The following SLC35F3 variants were observed in gnomAD, a reference collection of about 807,000 sequenced individuals.
The protein encoded by SLC35F3 is putative thiamine transporter SLC35F3.
SLC35F3 carries 25 observed loss-of-function variants against 49.9 expected under a neutral mutation model. The ratio of observed to expected loss-of-function variants is 0.50; its 90% confidence interval spans 0.37 to 0.70. SLC35F3 has a LOEUF of 0.70. Among genes scored for constraint, SLC35F3 ranks in the 30% least tolerant of loss-of-function variants. The pLI is 0.00. For synonymous variants in SLC35F3, 275 were observed against 265.4 expected, an observed-to-expected ratio of 1.04 and a Z score of -0.35; for missense variants, 525 against 639.8, an observed-to-expected ratio of 0.82 and a Z score of 1.94.
chr1:234,307,840 A>C (rs920276764), intron 3 of SLC35F3, among the ~76,000 whole-genome samples: 1 of 152,108 alleles, frequency 6.6e-6, no homozygotes, highest in African/African-American at 2.4e-5. Context: ...TGCCTAGCTC[A>C]TCGGGCCCAA....
chr1:234,239,644 G>C (rs1479032563), intron 3 of SLC35F3, among the ~76,000 whole-genome samples: 2 of 152,252 alleles, frequency 1.3e-5, no homozygotes, highest in Non-Finnish European at 1.5e-5. Flanking sequence ...TACTAGGAAA[G>C]AAGTGGGTCA....
At position 234,205,507 on chromosome 1, in the gene SLC35F3, GTTGTAC is replaced by G. The variant is rs529755300; in HGVS notation, c.284-25906_284-25901del. ...AACAGCTAGCACCAGGAATGCTGGA[GTTGTAC>G]TTGAACTCCCTCCCACTTGGAGAAT... On this transcript the variant is annotated intron_variant, in intron 2 of 7. Coordinates refer to ENST00000366618, the MANE Select transcript of SLC35F3 (RefSeq NM_173508.4). Among the ~76,000 whole-genome samples, 1,054 of 152,334 alleles carry G rather than the reference GTTGTAC, an allele frequency of 6.9e-3. 10 individuals carry two copies. The highest frequency in any genetic ancestry group is 0.024 in the African/African-American group (998 of 41,570).
intron 2 of SLC35F3, among the ~76,000 whole-genome samples, chr1:233,940,915 G>T (rs750777665): frequency 2.2e-4 from 33 of 152,064 alleles, no homozygotes; most frequent in Non-Finnish European, 4.0e-4. Flanking sequence ...TTTCAAAAAG[G>T]GTATACTGAT....
intron 3 of SLC35F3, among the ~76,000 whole-genome samples, chr1:234,301,343 A>C (rs1337809888): frequency 6.6e-6 from 1 of 152,210 alleles, no homozygotes; most frequent in African/African-American, 2.4e-5. Flanking sequence ...AAACATATGC[A>C]CAAGAAAAAG....
chr1:234,083,528 A>G (rs1428037528), intron 2 of SLC35F3, among the ~76,000 whole-genome samples: 1 of 152,218 alleles, frequency 6.6e-6, no homozygotes, highest in Non-Finnish European at 1.5e-5. Context: ...ATAGGGCTTC[A>G]ATAATGACTG....
intron 2 of SLC35F3, among the ~76,000 whole-genome samples, chr1:234,083,254 A>G (rs975901924): frequency 2.7e-4 from 41 of 152,368 alleles, no homozygotes; most frequent in African/African-American, 7.7e-4. Flanking sequence ...AAAAGCAAGC[A>G]TGCTAATTCT....
intron 3 of SLC35F3, among the ~76,000 whole-genome samples, chr1:234,294,382 A>G (rs913803480): frequency 1.1e-4 from 17 of 152,124 alleles, no homozygotes; most frequent in Admixed American, 9.8e-4. Flanking sequence ...AGATTGTTCC[A>G]CTTTACCCAG....
chr1:233,942,265 G>T (rs953483658), intron 2 of SLC35F3, among the ~76,000 whole-genome samples: 1 of 151,724 alleles, frequency 6.6e-6, no homozygotes, highest in East Asian at 1.9e-4. Context: ...CCGGCATACA[G>T]CCTCTTTTAA....
At chr1:234,273,427 C>A (rs1257899247) in intron 3 of SLC35F3, among the ~76,000 whole-genome samples, 1 of 152,206 alleles carries the variant, frequency 6.6e-6, no homozygotes, top group Non-Finnish European at 1.5e-5. Flanking sequence ...ACAATTCCAG[C>A]AGTCTGTCCT....
intron 2 of SLC35F3, among the ~76,000 whole-genome samples, chr1:234,124,079 G>A (rs12059433): frequency 0.17 from 25,698 of 152,144 alleles, 2,719 homozygotes; most frequent in Middle Eastern, 0.25. Flanking sequence ...ATATGATATC[G>A]TAGAGGACAT....
At chr1:234,167,818 C>T (rs192203161) in intron 2 of SLC35F3, among the ~76,000 whole-genome samples, 2 of 152,232 alleles carry the variant, frequency 1.3e-5, no homozygotes, top group Admixed American at 6.5e-5. Flanking sequence ...AGGTGAGGTG[C>T]GCTGAGGCTA....
chr1:234,156,167 TAAC>T (rs1439296362), intron 2 of SLC35F3, among the ~76,000 whole-genome samples: 1 of 152,152 alleles, frequency 6.6e-6, no homozygotes, highest in Non-Finnish European at 1.5e-5. Flanking sequence ...TAAAAAAAAT[TAAC>T]AATGTCAAGA....
chr1:234,235,217 AC>A (rs1307402042), intron 3 of SLC35F3, among the ~76,000 whole-genome samples: 5 of 152,198 alleles, frequency 3.3e-5, no homozygotes, highest in Non-Finnish European at 7.3e-5. Context: ...CAAGCACTCA[AC>A]CATCCAGGAG....
At chr1:234,013,867 G>A (rs773907193) in intron 2 of SLC35F3, among the ~76,000 whole-genome samples, 4 of 149,050 alleles carry the variant, frequency 2.7e-5, no homozygotes, top group African/African-American at 9.8e-5. Flanking sequence ...AAAAAAAAGA[G>A]CCCAGAGCTT....
chr1:234,215,996 G>GT (rs1019841889), intron 2 of SLC35F3, among the ~76,000 whole-genome samples: 1 of 152,258 alleles, frequency 6.6e-6, no homozygotes, highest in Non-Finnish European at 1.5e-5. Context: ...AGGAGGTTGG[G>GT]TTTTTTTCCT....
chr1:234,065,973 C>G (rs1403956647), intron 2 of SLC35F3, among the ~76,000 whole-genome samples: 1 of 152,206 alleles, frequency 6.6e-6, no homozygotes, highest in African/African-American at 2.4e-5. Context: ...GGGCCCTTCG[C>G]TGGTCCGGAG....
In SLC35F3 at chr1:233,919,902, G is replaced by T. The variant is rs78658611; in HGVS notation, c.283+14144G>T. Among the ~76,000 whole-genome samples, 1,075 of 152,208 alleles carry T rather than the reference G, an allele frequency of 7.1e-3. 10 individuals are homozygous for T. Among genetic ancestry groups the T allele is most frequent in the Non-Finnish European group, 8.6e-3 (586 of 68,022 alleles). On this transcript the variant is annotated intron_variant, in intron 2 of 7. Transcript: ENST00000366618. ...TGGCAAGAGAGAAAGAATCAAACAGGCTTCTCAATCTCCTTCCTCGCTCTG... is the reference window on the plus strand; with the variant it reads ...TGGCAAGAGAGAAAGAATCAAACAGTCTTCTCAATCTCCTTCCTCGCTCTG...
At chr1:234,130,237 A>G (rs980205854) in intron 2 of SLC35F3, among the ~76,000 whole-genome samples, 3 of 152,230 alleles carry the variant, frequency 2.0e-5, no homozygotes, top group Non-Finnish European at 4.4e-5. Context: ...TAAGTTATCC[A>G]AATGGCCAAT....
chr1:233,965,452 G>T (rs1245238980), intron 2 of SLC35F3, among the ~76,000 whole-genome samples: 1 of 152,088 alleles, frequency 6.6e-6, no homozygotes. Flanking sequence ...GTGGGCCATT[G>T]TTCCCATGGT....
Sources: gnomAD v4.1 joint callset for allele counts (sites outside exome capture counted in the v4.1 genomes callset) on GRCh38, gnomAD v4.1.1 for gene constraint, MANE v1.5 for transcripts, NCBI Gene and HGNC (gene_info 2026-07-23, HGNC 2026-07-21) for gene names.